RAB28: variants seen among roughly 807,000 people sequenced by gnomAD.
The protein encoded by RAB28 is ras-related protein Rab-28.
Under a neutral mutation model 31.7 loss-of-function variants are expected in RAB28, and 24 were observed. That is an observed-to-expected ratio of 0.76 (90% CI 0.55 to 1.06). The LOEUF is 1.06. Ranked by LOEUF, RAB28 falls within the 50% of genes least tolerant of loss-of-function variation. The probability of loss-of-function intolerance (pLI) is 0.00; values close to 1 mark genes in which losing one functional copy is unlikely to be tolerated. For synonymous variants in RAB28, 100 were observed against 90.4 expected, an observed-to-expected ratio of 1.11 and a Z score of -0.60; for missense variants, 254 against 258.5, an observed-to-expected ratio of 0.98 and a Z score of 0.12.
rs184123675 is a variant in RAB28, at chr4:13,479,824, A to C, written c.76-298T>G. Among the ~76,000 whole-genome samples, 1,386 of 151,734 alleles carry C rather than the reference A, an allele frequency of 9.1e-3. 15 individuals are homozygous for C. The highest frequency in any genetic ancestry group is 0.02 in the Middle Eastern group (6 of 294). On this transcript the variant is annotated intron_variant, in intron 1 of 6. Coordinates refer to ENST00000330852, the MANE Select transcript of RAB28 (RefSeq NM_001017979.3). The stretch of plus-strand genomic sequence containing the variant: ...ATTTGAGAGTTATCAACAGAAAAAA[A>C]AACTAAAAAATAAATAAATAAAGAT...
At chr4:13,376,677 T>C in intron 5 of RAB28, 55 bp from the exon 6 acceptor site, 1 of 1,182,908 alleles carries the variant, frequency 8.5e-7, no homozygotes. Context: ...TAAGTTATCT[T>C]CAAATAAACA....
chr4:13,424,861 A>G (rs1273466564), intron 4 of RAB28, among the ~76,000 whole-genome samples: 6 of 152,028 alleles, frequency 3.9e-5, no homozygotes, highest in Non-Finnish European at 8.8e-5. Context: ...CTACTATTTC[A>G]TTTCTATCAG....
chr4:13,458,618 G>C (rs1715429099), intron 4 of RAB28, among the ~76,000 whole-genome samples: 1 of 152,120 alleles, frequency 6.6e-6, no homozygotes. Flanking sequence ...ATACATTCAT[G>C]TGTTGCATAA....
At chr4:13,443,467 T>C (rs940093337) in intron 4 of RAB28, among the ~76,000 whole-genome samples, 3 of 152,192 alleles carry the variant, frequency 2.0e-5, no homozygotes, top group Non-Finnish European at 4.4e-5. Flanking sequence ...CCACCGCACC[T>C]GGCCAAAATG....
At chr4:13,463,455 A>G (rs1247981910) in intron 3 of RAB28, among the ~76,000 whole-genome samples, 2 of 152,172 alleles carry the variant, frequency 1.3e-5, no homozygotes, top group African/African-American at 4.8e-5. Flanking sequence ...TATAGTCACA[A>G]TCATTTGTTT....
At chr4:13,400,953 A>T (rs1711712539) in intron 4 of RAB28, among the ~76,000 whole-genome samples, 1 of 152,102 alleles carries the variant, frequency 6.6e-6, no homozygotes, top group African/African-American at 2.4e-5. Context: ...GTATTGCTTG[A>T]TTCAATTTGT....
rs1240960364 is a variant in RAB28, at chr4:13,484,336, T to C, written c.-186A>G. 4 of 557,554 alleles carry C rather than the reference T, an allele frequency of 7.2e-6. No homozygotes were observed. Among genetic ancestry groups the C allele is most frequent in the Non-Finnish European group, 1.3e-5 (4 of 305,338 alleles). 34.5% of individuals were successfully genotyped at this position (557,554 alleles called of 1,614,324 possible). On this transcript the variant is annotated 5_prime_UTR_variant, in exon 1 of 7. Coordinates refer to ENST00000330852, the MANE Select transcript of RAB28 (RefSeq NM_001017979.3). ...CGCCATCTTGCCCACCTCCCCGCCC[T>C]CTGCGCGCGGCCCCGCCCCCTACGC... is the stretch of plus-strand genomic sequence containing the variant.
At chr4:13,398,693 G>A (rs972191402) in intron 4 of RAB28, among the ~76,000 whole-genome samples, 4 of 151,744 alleles carry the variant, frequency 2.6e-5, no homozygotes, top group Non-Finnish European at 5.9e-5. Context: ...CAGGAGAACG[G>A]CGTGAACCTG....
intron 4 of RAB28, among the ~76,000 whole-genome samples, chr4:13,387,634 T>C (rs1368751814): frequency 6.6e-6 from 1 of 152,080 alleles, no homozygotes; most frequent in Non-Finnish European, 1.5e-5. Context: ...GGCTTGAACA[T>C]GACATCTTTT....
Position 13,484,264 on chromosome 4 carries a change from G to A in RAB28, c.-114C>T. 3.9e-6 allele frequency: 3 copies of A among 769,600 alleles called. No individual in the cohort carries two copies. The highest frequency in any genetic ancestry group is 1.5e-5 in the South Asian group (1 of 66,136). The allele number at this position is 769,600 out of a possible 1,614,324, so 47.7% of individuals were successfully genotyped here. On this transcript the variant is annotated 5_prime_UTR_variant, in exon 1 of 7. Transcript: ENST00000330852. ...TAGTTGCGGCAGGACCCCCGCCCCGGTGTCTCCGCGCCGGCAGGAGGTATT... is the reference window on the plus strand; with the variant it reads ...TAGTTGCGGCAGGACCCCCGCCCCGATGTCTCCGCGCCGGCAGGAGGTATT...
intron 4 of RAB28, among the ~76,000 whole-genome samples, chr4:13,412,926 CA>C (rs1258801441): frequency 6.6e-6 from 1 of 151,642 alleles, no homozygotes; most frequent in Non-Finnish European, 1.5e-5. Context: ...AAATTAGAAG[CA>C]GCAGAAAAAG....
intron 4 of RAB28, 122 bp downstream of exon 4, chr4:13,460,577 G>A: frequency 7.9e-7 from 1 of 1,266,986 alleles, no homozygotes; most frequent in East Asian, 2.4e-5. Context: ...CCCACCTCCA[G>A]ACACCATCAT....
intron 4 of RAB28, among the ~76,000 whole-genome samples, chr4:13,448,828 G>A (rs1170367732): frequency 1.3e-5 from 2 of 151,886 alleles, no homozygotes; most frequent in Non-Finnish European, 2.9e-5. Context: ...TCAATATATA[G>A]AATGATCTCA....
chr4:13,461,989 G>A (rs1461262151), intron 3 of RAB28, among the ~76,000 whole-genome samples: 1 of 152,190 alleles, frequency 6.6e-6, no homozygotes, highest in African/African-American at 2.4e-5. Context: ...GGTAAGTGAT[G>A]GAGCCAGTAT....
chr4:13,434,819 G>A (rs1346825653), intron 4 of RAB28, among the ~76,000 whole-genome samples: 1 of 151,988 alleles, frequency 6.6e-6, no homozygotes, highest in Non-Finnish European at 1.5e-5. Context: ...AGAAGTTTGA[G>A]ACCAGCCTGG....
chr4:13,425,174 G>C (rs867715835), intron 4 of RAB28, among the ~76,000 whole-genome samples: 1 of 152,074 alleles, frequency 6.6e-6, no homozygotes, highest in Non-Finnish European at 1.5e-5. Flanking sequence ...CTGGATTCCA[G>C]AGTTACACAC....
At chr4:13,382,113 A>G (rs539789678) in intron 4 of RAB28, among the ~76,000 whole-genome samples, 2 of 152,342 alleles carry the variant, frequency 1.3e-5, no homozygotes, top group African/African-American at 4.8e-5. Context: ...TGTTTACATT[A>G]ATTTATAGCC....
chr4:13,479,534 A>G lies in RAB28; in HGVS notation c.76-8T>C. 3 of 1,528,502 alleles carry G rather than the reference A, an allele frequency of 2.0e-6. No homozygotes were observed. The highest frequency in any genetic ancestry group is 2.7e-6 in the Non-Finnish European group (3 of 1,107,634). The allele number at this position is 1,528,502 out of a possible 1,614,324, so 94.7% of individuals were successfully genotyped here. On this transcript the variant is annotated splice_region_variant and splice_polypyrimidine_tract_variant and intron_variant, in intron 1 of 6. Transcript: ENST00000330852. Reference sequence around the variant, plus strand: ...ACACGTAGTTAAGGAGGTCTAAAAAATTGATGCACAGAATGTCAAAATTAA... The same window carrying G: ...ACACGTAGTTAAGGAGGTCTAAAAAGTTGATGCACAGAATGTCAAAATTAA...
At chr4:13,464,587 C>A (rs1172656228) in intron 3 of RAB28, among the ~76,000 whole-genome samples, 1 of 152,054 alleles carries the variant, frequency 6.6e-6, no homozygotes, top group Non-Finnish European at 1.5e-5. Context: ...AGCTGCAAGA[C>A]AGATTTCACC....
Sources: gnomAD v4.1 joint callset for allele counts (sites outside exome capture counted in the v4.1 genomes callset) on GRCh38, gnomAD v4.1.1 for gene constraint, MANE v1.5 for transcripts, NCBI Gene and HGNC (gene_info 2026-07-23, HGNC 2026-07-21) for gene names.